Variants in SIRT6 observed in about 807,000 individuals in gnomAD.
The protein encoded by SIRT6 is NAD-dependent protein deacylase sirtuin-6.
A neutral mutation model predicts 33.6 loss-of-function variants in SIRT6; 21 were observed. The observed-to-expected ratio is 0.62, with a 90% CI of 0.44 to 0.90. The LOEUF is 0.90. Among genes scored for constraint, SIRT6 ranks in the 40% least tolerant of loss-of-function variants. The probability of loss-of-function intolerance (pLI) is 0.00; values close to 1 mark genes in which losing one functional copy is unlikely to be tolerated. For missense variants in SIRT6, 504 were observed against 510.6 expected (o/e 0.99, Z 0.12); for synonymous variants, 221 against 223.9 (o/e 0.99, Z 0.12).
At chr19:4,180,539 A>C in intron 2 of SIRT6, 1 of 371,776 alleles carries the variant, frequency 2.7e-6, no homozygotes, top group East Asian at 4.7e-5. Flanking sequence ...TGCCACCACA[A>C]CTGGCTAATT....
At chr19:4,178,063 G>A (rs1005562083) in intron 3 of SIRT6, among the ~76,000 whole-genome samples, 2 of 145,926 alleles carry the variant, frequency 1.4e-5, no homozygotes, top group Non-Finnish European at 3.0e-5. Flanking sequence ...GTCTTGCTCT[G>A]TCACCCAAGC....
Position 4,180,808 on chromosome 19 carries a change from G to A in SIRT6, c.168C>T (p.Ser56=). The A allele has an allele frequency of 1.2e-6, 2 of 1,613,310 alleles. No homozygotes were observed. Among genetic ancestry groups the A allele is most frequent in the Non-Finnish European group, 1.7e-6 (2 of 1,179,612 alleles). The change falls in exon 2 of 8, where the codon AGC becomes AGT. Residue 56 remains serine (S), a synonymous_variant. Coordinates refer to ENST00000337491, the MANE Select transcript of SIRT6 (RefSeq NM_016539.4). ...SVVFHTGAGI[S]TASGIPDFRG... is the part of the protein sequence containing the mutation. ...TGAAGTCGGGGATGCCAGAGGCAGT[G>A]CTGATGCCGGCACCCGTGTGGAACA...
chr19:4,177,870 G>A (rs540831949), intron 3 of SIRT6, among the ~76,000 whole-genome samples: 20 of 152,018 alleles, frequency 1.3e-4, no homozygotes, highest in Admixed American at 5.2e-4. Flanking sequence ...GATTACAGGC[G>A]TGAGCCACTG....
At chr19:4,181,957 G>A (rs1351460542) in intron 1 of SIRT6, among the ~76,000 whole-genome samples, 1 of 152,102 alleles carries the variant, frequency 6.6e-6, no homozygotes, top group Non-Finnish European at 1.5e-5. Flanking sequence ...TTTGGAGATG[G>A]AGACCCAAAA....
At chr19:4,175,489 C>T (rs917750783) in intron 6 of SIRT6, 191 bp downstream of exon 6, 62 of 636,798 alleles carry the variant, frequency 9.7e-5, no homozygotes, top group Admixed American at 5.8e-4. Context: ...TGTGTAGCAC[C>T]CACCCAGAGC....
chr19:4,174,783 T>A lies in SIRT6; in HGVS notation c.902A>T (p.Glu301Val). 2.0e-6 allele frequency: 2 copies of A among 1,024,966 alleles called. No homozygotes were observed. 63.5% of individuals were successfully genotyped at this position (1,024,966 alleles called of 1,614,324 possible). The change falls in exon 8 of 8, where the codon GAG (glutamate) becomes GTG (valine). Residue 301 changes from glutamate to valine, a missense_variant. By Grantham distance (121) the Glu-to-Val change is moderately radical (BLOSUM62 -2). Coordinates refer to ENST00000337491, the MANE Select transcript of SIRT6 (RefSeq NM_016539.4). The surrounding 1 kb of genome is among the most constrained non-coding windows in gnomAD (Gnocchi z 4.2). ...RPPTPKLEPK[E>V]ESPTRINGSI... Reference sequence around the variant, plus strand: ...GCCGTTGATCCGGGTGGGAGATTCCTCCTTGGGCTCCAGCTTGGGGGTGGG... The same window carrying A: ...GCCGTTGATCCGGGTGGGAGATTCCACCTTGGGCTCCAGCTTGGGGGTGGG...
rs201136536 is a variant in SIRT6 at position 4,179,158 on chromosome 19, C to T, written c.323G>A (p.Arg108His). 2.9e-5 allele frequency: 46 copies of T among 1,612,438 alleles called. No homozygotes were observed. Among genetic ancestry groups the T allele is most frequent in the Non-Finnish European group, 3.4e-5 (40 of 1,179,766 alleles). Residue 108 changes from arginine (R) to histidine (H), a missense_variant, in exon 3 of 8, where the codon CGC (arginine) becomes CAC (histidine). By Grantham distance (29) the Arg-to-His change is conservative (BLOSUM62 0). Coordinates refer to ENST00000337491, the MANE Select transcript of SIRT6 (RefSeq NM_016539.4). ...LVQLERVGLLRFLVSQNVDGL... is the reference protein window; with the variant it reads ...LVQLERVGLLHFLVSQNVDGL... ...GTCCACGTTCTGGCTGACCAGGAAG[C>T]GGAGGAGGCCCACGCGCTCCAGCTG...
Position 4,179,223 on chromosome 19 carries a change from A to C in SIRT6, c.258T>G (p.Phe86Leu), listed in dbSNP as rs766273970. 1 of 1,610,872 alleles carries C rather than the reference A, an allele frequency of 6.2e-7. No individual in the cohort carries two copies. Among genetic ancestry groups the C allele is most frequent in the East Asian group, 2.2e-5 (1 of 44,824 alleles). The part of the protein sequence containing the change: ...RGLAPKFDTT[F>L]ESARPTQTHM... ...GGGTCTGCGTGGGCCGCGCGCTCTC[A>C]AAGGTGGTGTCGAACTTGGGGGCCA... The change falls in exon 3 of 8, where the codon TTT (phenylalanine) becomes TTG (leucine). Residue 86 changes from phenylalanine to leucine, a missense_variant. Physicochemically the swap from Phe to Leu is conservative, Grantham distance 22. Transcript: ENST00000337491.
Position 4,179,085 on chromosome 19 carries a change from G to C in SIRT6, c.377+19C>G, listed in dbSNP as rs766580534. 4.3e-6 allele frequency: 7 copies of C among 1,609,726 alleles called. No homozygotes were observed. In the Admixed American group the frequency reaches 5.0e-5, roughly 12 times the overall value. On this transcript the variant is annotated intron_variant, in intron 3 of 7. Transcript: ENST00000337491. ...GTGGGGCCCCAAGCTCTTTTGTGGG[G>C]GCGGGGCCAGGGTGTTACCTGGGGA... is the stretch of plus-strand genomic sequence containing the variant.
rs1317268184 is a variant in SIRT6 at position 4,180,817 on chromosome 19, G to A, written c.159C>T (p.Ala53=). 8.1e-6 allele frequency: 13 copies of A among 1,613,090 alleles called. No individual in the cohort carries two copies. In the East Asian group the frequency reaches 8.9e-5, roughly 11 times the overall value. ...GGATGCCAGAGGCAGTGCTGATGCC[G>A]GCACCCGTGTGGAACACCACACTGG... ...QSSSVVFHTG[A]GISTASGIPD... is the part of the protein sequence containing the mutation. The change falls in exon 2 of 8, where the codon GCC becomes GCT. Residue 53 remains alanine, a synonymous_variant. Coordinates refer to ENST00000337491, the MANE Select transcript of SIRT6 (RefSeq NM_016539.4).
intron 6 of SIRT6, 134 bp downstream of exon 6, chr19:4,175,546 T>C (rs1967241750): frequency 5.9e-6 from 5 of 849,550 alleles, no homozygotes; most frequent in Non-Finnish European, 8.8e-6. Context: ...GCCCCTGGCC[T>C]GGCCCACCTG....
chr19:4,180,744 G>A (rs768983222), intron 2 of SIRT6, 38 bp downstream of exon 2: 1 of 1,571,686 alleles, frequency 6.4e-7, no homozygotes, highest in Non-Finnish European at 8.6e-7. Flanking sequence ...TGGCAGCCTG[G>A]TAGGCCTTGC....
chr19:4,174,858 C>A lies in SIRT6; in HGVS notation c.827G>T (p.Trp276Leu). The stretch of plus-strand genomic sequence containing the variant: ...CCTCTCCAGCACACGGGGGCCGTCC[C>A]AGGCGGGGATCTCCAGCCCCAGGTG... ...MKHLGLEIPA[W>L]DGPRVLERAL... The change falls in exon 8 of 8, where the codon TGG becomes TTG. Residue 276 changes from tryptophan (W) to leucine (L), a missense_variant. Coordinates refer to ENST00000337491, the MANE Select transcript of SIRT6 (RefSeq NM_016539.4). The surrounding 1 kb of genome is among the most constrained non-coding windows in gnomAD (Gnocchi z 4.2). 6.3e-7 allele frequency: 1 copy of A among 1,599,874 alleles called. No homozygotes were observed.
intron 3 of SIRT6, among the ~76,000 whole-genome samples, chr19:4,178,078 G>A (rs1262307439): frequency 2.0e-5 from 3 of 148,816 alleles, no homozygotes; most frequent in Non-Finnish European, 3.0e-5. Flanking sequence ...CCAAGCTGGA[G>A]TGCAGTGGCG....
chr19:4,175,554 C>A (rs1234844867), intron 6 of SIRT6, 126 bp downstream of exon 6: 2 of 942,672 alleles, frequency 2.1e-6, no homozygotes, highest in Non-Finnish European at 3.1e-6. Flanking sequence ...CCTGGCCCAC[C>A]TGCTCCAGGA....
At position 4,174,972 on chromosome 19, in the gene SIRT6, C is replaced by A. The variant is rs753029336; in HGVS notation, c.739-26G>T. ...CTGCCGAGGGGCGGGACGGGTCAGGCGTGGGGGACAGAGGGTGCATGGTGG... is the reference window on the plus strand; with the variant it reads ...CTGCCGAGGGGCGGGACGGGTCAGGAGTGGGGGACAGAGGGTGCATGGTGG... On this transcript the variant is annotated intron_variant, in intron 7 of 7. Transcript: ENST00000337491. The surrounding 1 kb of genome is among the most constrained non-coding windows in gnomAD (Gnocchi z 4.2). 1.4e-5 allele frequency: 22 copies of A among 1,609,262 alleles called. No individual in the cohort carries two copies. The highest frequency in any genetic ancestry group is 1.8e-5 in the Non-Finnish European group (21 of 1,178,314).
chr19:4,175,177 C>A, intron 6 of SIRT6, 26 bp from the exon 7 acceptor site: 2 of 1,583,480 alleles, frequency 1.3e-6, no homozygotes. Context: ...GTGGGCTGAG[C>A]CTGATGCCCT....
chr19:4,175,655 G>T (rs1443061802), intron 6 of SIRT6, 25 bp downstream of exon 6: 1 of 1,481,990 alleles, frequency 6.7e-7, no homozygotes, highest in Non-Finnish European at 9.0e-7. Flanking sequence ...CCCACCATGG[G>T]CTCCCTGGGG....
rs1257299210 is a variant in SIRT6 at position 4,174,418 on chromosome 19, G to A, written c.*199C>T. On this transcript the variant is annotated 3_prime_UTR_variant, in exon 8 of 8. Transcript: ENST00000337491. This position sits in a 1 kb window ranked among gnomAD's most constrained non-coding sequence, Gnocchi z 4.2. ...GGGGCTCACCTGTCACCTCTGGGGT[G>A]TGGCTTCTTCCCGGAACCGCACCAG... 1.9e-5 allele frequency: 9 copies of A among 462,880 alleles called. No homozygotes were observed. Among genetic ancestry groups the A allele is most frequent in the Non-Finnish European group, 3.4e-5 (9 of 268,294 alleles). 28.7% of individuals were successfully genotyped at this position (462,880 alleles called of 1,614,324 possible). A position where few individuals can be genotyped will look rare whatever the true frequency, so the allele number is the denominator to read the frequency against.
Sources: allele counts gnomAD v4.1 joint callset (sites outside exome capture counted in the v4.1 genomes callset), GRCh38; gene constraint gnomAD v4.1.1; non-coding constraint Gnocchi (gnomAD v3.1); transcripts MANE v1.5; gene names NCBI Gene and HGNC (gene_info 2026-07-23, HGNC 2026-07-21).